BOD1L1: variants seen among roughly 807,000 people sequenced by gnomAD.
BOD1L1 encodes biorientation of chromosomes in cell division 1 like 1, also known as biorientation of chromosomes in cell division protein 1-like 1.
Under a neutral mutation model 240.7 loss-of-function variants are expected in BOD1L1, and 86 were observed. The observed-to-expected ratio is 0.36, with a 90% CI of 0.30 to 0.43. BOD1L1 has a LOEUF of 0.43. BOD1L1 is among the 20% of genes least tolerant of loss of function. The pLI, the probability that BOD1L1 is intolerant of heterozygous loss-of-function variation, is 1.00. For missense variants in BOD1L1, 3,554 were observed against 3,643.5 expected, an observed-to-expected ratio of 0.98 and a Z score of 0.63; for synonymous variants, 1,268 against 1,272.3, an observed-to-expected ratio of 1.00 and a Z score of 0.07.
chr4:13,587,105 C>A (rs1713766320), intron 16 of BOD1L1, among the ~76,000 whole-genome samples: 1 of 152,134 alleles, frequency 6.6e-6, no homozygotes, highest in African/African-American at 2.4e-5. Context: ...AAGGTCACTG[C>A]ACTGTTCAAC....
chr4:13,616,372 CAGAAGAGAA>C (rs1716594912), intron 2 of BOD1L1, among the ~76,000 whole-genome samples: 1 of 152,144 alleles, frequency 6.6e-6, no homozygotes, highest in African/African-American at 2.4e-5. Context: ...TTCATTTCTA[CAGAAGAGAA>C]GGGGAAGAAA....
In BOD1L1 at chr4:13,607,173, A is replaced by C; in HGVS notation, c.1759T>G (p.Ser587Ala). 6.4e-7 allele frequency: 1 copy of C among 1,573,488 alleles called. No individual in the cohort carries two copies. The highest frequency in any genetic ancestry group is 8.6e-7 in the Non-Finnish European group (1 of 1,159,862). ...TCTTCATATTGCTGTTTCTTTTTGG[A>C]GTTCTCTTCAACATTCCTAAGGGGG... ...KKDSRNVEEN[S>A]KKKQQYEEDS... The change falls in exon 9 of 26, where the codon TCC (serine) becomes GCC (alanine). Residue 587 changes from serine to alanine, a missense_variant. By Grantham distance (99) the Ser-to-Ala change is moderately conservative (BLOSUM62 1). Around this residue, in one of 2 missense-constraint regions of BOD1L1, gnomAD observed 3,393 missense variants for 3,427.1 expected, o/e 0.99. Coordinates refer to ENST00000040738, the MANE Select transcript of BOD1L1 (RefSeq NM_148894.3).
Position 13,599,776 on chromosome 4 carries a change from A to G in BOD1L1, c.7124T>C (p.Met2375Thr). 3 of 1,614,016 alleles carry G rather than the reference A, an allele frequency of 1.9e-6. No homozygotes were observed. The highest frequency in any genetic ancestry group is 2.5e-6 in the Non-Finnish European group (3 of 1,179,892). The change falls in exon 10 of 26, where the codon ATG becomes ACG. Residue 2375 changes from methionine (M) to threonine (T), a missense_variant. Coordinates refer to ENST00000040738, the MANE Select transcript of BOD1L1 (RefSeq NM_148894.3). ...GTTATTCTCAGCAATTAGGCTGGGC[A>G]TGGGGACCTTGTGCTTGCTCACTTC... ...ATEVSKHKVPMPSLIAENNCR... is the reference protein window; with the variant it reads ...ATEVSKHKVPTPSLIAENNCR...
Position 13,614,222 on chromosome 4 carries a change from G to C in BOD1L1, c.1148C>G (p.Ala383Gly). ...KLPSEKNSNK[A>G]KTVEGTKEDF... ...TTCTTTTGTCCCTTCAACAGTTTTA[G>C]CTTTATTACTGTTCTTTTCTGAAGG... Residue 383 changes from alanine (A) to glycine (G), a missense_variant, in exon 4 of 26, where the codon GCT (alanine) becomes GGT (glycine). Coordinates refer to ENST00000040738, the MANE Select transcript of BOD1L1 (RefSeq NM_148894.3). The C allele has an allele frequency of 6.6e-7, 1 of 1,520,562 alleles. No individual in the cohort carries two copies. Among genetic ancestry groups the C allele is most frequent in the Non-Finnish European group, 8.8e-7 (1 of 1,137,798 alleles). 94.2% of individuals were successfully genotyped at this position (1,520,562 alleles called of 1,614,324 possible). A position where few individuals can be genotyped will look rare whatever the true frequency, so the allele number is the denominator to read the frequency against.
Position 13,601,252 on chromosome 4 carries a change from G to A in BOD1L1, c.5648C>T (p.Ala1883Val). The A allele has an allele frequency of 1.9e-6, 3 of 1,613,924 alleles. No individual in the cohort carries two copies. The highest frequency in any genetic ancestry group is 2.5e-6 in the Non-Finnish European group (3 of 1,179,894). Reference sequence around the variant, plus strand: ...TTCTCCTAACCCTGTACAAGTTGAAGCATGCCCAATTTCATTTCCTCTTCC... The same window carrying A: ...TTCTCCTAACCCTGTACAAGTTGAAACATGCCCAATTTCATTTCCTCTTCC... ...STGRGNEIGH[A>V]STCTGLGEES... The change falls in exon 10 of 26, where the codon GCT (alanine) becomes GTT (valine). Residue 1883 changes from alanine to valine, a missense_variant. Around this residue, in one of 2 missense-constraint regions of BOD1L1, gnomAD observed 3,393 missense variants for 3,427.1 expected, o/e 0.99. Transcript: ENST00000040738.
chr4:13,620,377 C>G (rs1272583183), intron 1 of BOD1L1, among the ~76,000 whole-genome samples: 2 of 152,138 alleles, frequency 1.3e-5, no homozygotes, highest in African/African-American at 4.8e-5. Context: ...CATGCCTTCA[C>G]TGAAAATGTG....
chr4:13,581,084 G>A (rs1473923939), intron 20 of BOD1L1, 30 bp from the exon 21 acceptor site: 7 of 1,559,338 alleles, frequency 4.5e-6, no homozygotes, highest in South Asian at 2.4e-5. Flanking sequence ...TTAGAAAATC[G>A]GTTCGAAAAT....
chr4:13,622,327 A>T (rs765023312), intron 1 of BOD1L1, among the ~76,000 whole-genome samples: 3 of 152,202 alleles, frequency 2.0e-5, no homozygotes, highest in Non-Finnish European at 2.9e-5. Context: ...ACTACTCAAC[A>T]GGTAATTTTC....
chr4:13,623,776 C>A (rs1486286218), intron 1 of BOD1L1: 1 of 152,196 alleles, frequency 6.6e-6, no homozygotes, highest in Non-Finnish European at 1.5e-5. Flanking sequence ...TATCAAATGT[C>A]TTCATTCTTA....
intron 15 of BOD1L1, 115 bp from the exon 16 acceptor site, chr4:13,587,886 T>A (rs933825918): frequency 4.4e-5 from 32 of 731,314 alleles, no homozygotes; most frequent in African/African-American, 1.6e-4. Flanking sequence ...ATAAATTTTT[T>A]AAAAATCTAG....
chr4:13,601,609 T>C lies in BOD1L1; in HGVS notation c.5291A>G (p.Asp1764Gly), dbSNP rs151182576. 47 of 1,613,962 alleles carry C rather than the reference T, an allele frequency of 2.9e-5. No individual in the cohort carries two copies. The highest frequency in any genetic ancestry group is 4.0e-5 in the African/African-American group (3 of 75,036). Reference sequence around the variant, plus strand: ...ACTTGTTCCTGGTGGTGCATCATTATCTCCCAGGACAACACCTGCACCTGT... The same window carrying C: ...ACTTGTTCCTGGTGGTGCATCATTACCTCCCAGGACAACACCTGCACCTGT... ...MVTGAGVVLGDNDAPPGTSAS... is the reference protein window; with the variant it reads ...MVTGAGVVLGGNDAPPGTSAS... Residue 1764 changes from aspartate (D) to glycine (G), a missense_variant, in exon 10 of 26, where the codon GAT becomes GGT. This residue lies in a region of BOD1L1 where 3,393 missense variants were observed against 3,427.1 expected (regional missense o/e 0.99). Coordinates refer to ENST00000040738, the MANE Select transcript of BOD1L1 (RefSeq NM_148894.3).
intron 11 of BOD1L1, among the ~76,000 whole-genome samples, chr4:13,596,294 G>A (rs975320626): frequency 2.0e-5 from 3 of 151,928 alleles, no homozygotes; most frequent in African/African-American, 2.4e-5. Flanking sequence ...GACACACCAC[G>A]TGCCCTCCTG....
rs1437352071 is a variant in BOD1L1, at chr4:13,602,776, A to G, written c.4124T>C (p.Leu1375Ser). ...HIPEAHQATL[L>S]DGKQGKVIMP... is the part of the protein sequence containing the mutation. ...GATTACCTTTCCTTGTTTACCATCCAATAAAGTAGCCTGGTGAGCTTCTGG... is the reference window on the plus strand; with the variant it reads ...GATTACCTTTCCTTGTTTACCATCCGATAAAGTAGCCTGGTGAGCTTCTGG... The change falls in exon 10 of 26, where the codon TTG becomes TCG. Residue 1375 changes from leucine (L) to serine (S), a missense_variant. This residue lies in a region of BOD1L1 where 3,393 missense variants were observed against 3,427.1 expected (regional missense o/e 0.99). Coordinates refer to ENST00000040738, the MANE Select transcript of BOD1L1 (RefSeq NM_148894.3). The G allele has an allele frequency of 6.2e-7, 1 of 1,613,986 alleles. No homozygotes were observed. The highest frequency in any genetic ancestry group is 1.7e-5 in the Admixed American group (1 of 60,024).
chr4:13,604,011 T>G lies in BOD1L1; in HGVS notation c.2889A>C (p.Lys963Asn). Residue 963 changes from lysine to asparagine, a missense_variant, in exon 10 of 26, where the codon AAA becomes AAC. Lys to Asn is a moderately conservative substitution (Grantham distance 94). Coordinates refer to ENST00000040738, the MANE Select transcript of BOD1L1 (RefSeq NM_148894.3). ...EKQRKSKVED[K>N]PFEETGVEPV... ...GTTCAACACCAGTTTCTTCAAAAGG[T>G]TTGTCTTCAACTTTAGACTTACGCT... The G allele has an allele frequency of 6.2e-7, 1 of 1,613,934 alleles. No homozygotes were observed. The highest frequency in any genetic ancestry group is 2.2e-5 in the East Asian group (1 of 44,868).
rs1716436336 is a variant in BOD1L1 at position 13,614,630 on chromosome 4, G to T, written c.740C>A (p.Thr247Asn). The change falls in exon 4 of 26, where the codon ACT becomes AAT. Residue 247 changes from threonine (T) to asparagine (N), a missense_variant. Transcript: ENST00000040738. ...LPSQPTTDTSTDKERTSEDMA... is the reference protein window; with the variant it reads ...LPSQPTTDTSNDKERTSEDMA... ...GTCCTCTGAAGTTCTTTCTTTGTCA[G>T]TACTAGTATCAGTGGTTGGCTGAGA... 6.2e-7 allele frequency: 1 copy of T among 1,613,718 alleles called. No homozygotes were observed. Among genetic ancestry groups the T allele is most frequent in the Non-Finnish European group, 8.5e-7 (1 of 1,179,872 alleles).
rs866807948 is a variant in BOD1L1, at chr4:13,607,142, G to T, written c.1790C>A (p.Ser597Tyr). ...CTCACTTGTTTTAAGGGTTTCTTTG[G>T]AATCTTCTTCATATTGCTGTTTCTT... ...SKKKQQYEED[S>Y]KETLKTSEHC... The change falls in exon 9 of 26, where the codon TCC (serine) becomes TAC (tyrosine). Residue 597 changes from serine (S) to tyrosine (Y), a missense_variant. By Grantham distance (144) the Ser-to-Tyr change is moderately radical. Transcript: ENST00000040738. The T allele has an allele frequency of 1.3e-6, 2 of 1,572,262 alleles. No homozygotes were observed. The highest frequency in any genetic ancestry group is 1.9e-5 in the Admixed American group (1 of 53,492).
rs1715372839 is a variant in BOD1L1 at position 13,603,223 on chromosome 4, C to G, written c.3677G>C (p.Arg1226Thr). Residue 1226 changes from arginine to threonine, a missense_variant, in exon 10 of 26, where the codon AGA becomes ACA. Physicochemically the swap from Arg to Thr is moderately conservative, Grantham distance 71. Coordinates refer to ENST00000040738, the MANE Select transcript of BOD1L1 (RefSeq NM_148894.3). The stretch of plus-strand genomic sequence containing the variant: ...ATCTATATTCACTTCAGTAGTTCCT[C>G]TATGAATGGGTTCTTTCTCCCCAGG... Reference protein sequence around the residue: ...MNPGEKEPIHRGTTEVNIDSE... With the variant: ...MNPGEKEPIHTGTTEVNIDSE... 2.5e-6 allele frequency: 4 copies of G among 1,613,898 alleles called. No individual in the cohort carries two copies. In the Admixed American group the frequency reaches 5.0e-5, roughly 20 times the overall value.
intron 5 of BOD1L1, among the ~76,000 whole-genome samples, chr4:13,612,798 G>C (rs969497111): frequency 6.6e-6 from 1 of 152,140 alleles, no homozygotes; most frequent in Non-Finnish European, 1.5e-5. Flanking sequence ...TGGAGTAAGA[G>C]TTTGACCTCT....
chr4:13,608,512 A>G lies in BOD1L1; in HGVS notation c.1742+18T>C. The G allele has an allele frequency of 6.6e-7, 1 of 1,509,154 alleles. No individual in the cohort carries two copies. The highest frequency in any genetic ancestry group is 8.8e-7 in the Non-Finnish European group (1 of 1,133,464). 93.5% of individuals were successfully genotyped at this position (1,509,154 alleles called of 1,614,324 possible). On this transcript the variant is annotated intron_variant, in intron 8 of 25. Transcript: ENST00000040738. The stretch of plus-strand genomic sequence containing the variant: ...AGGGGAGTGTTATAAGGGAAACATG[A>G]CCAGATAAAATATGTACCTTGAATC...
Sources: gnomAD v4.1 joint callset for allele counts (sites outside exome capture counted in the v4.1 genomes callset) on GRCh38, gnomAD v4.1.1 for gene constraint, gnomAD v4.1.1 regional missense constraint, MANE v1.5 for transcripts, NCBI Gene and HGNC (gene_info 2026-07-23, HGNC 2026-07-21) for gene names.